The following ITGB5 variants were observed in gnomAD, a reference collection of about 807,000 sequenced individuals.
ITGB5 encodes the protein integrin subunit beta 5.
In ITGB5, 38 loss-of-function variants were observed where a neutral mutation model predicts 84.8. The observed-to-expected ratio is 0.45, with a 90% confidence interval of 0.35 to 0.59. The LOEUF (loss-of-function observed/expected upper bound fraction) is 0.59. Among genes scored for constraint, ITGB5 ranks in the 20% least tolerant of loss-of-function variants. ITGB5 has a pLI of 0.01. For missense variants in ITGB5, 905 were observed against 1,034.5 expected (o/e 0.87, Z 1.72); for synonymous variants, 393 against 414.4 (o/e 0.95, Z 0.63).
At chr3:124,890,917 T>C (rs184720993), upstream of ITGB5, among the ~76,000 whole-genome samples, 21 of 152,308 alleles carry the variant, frequency 1.4e-4, no homozygotes, top group East Asian at 4.0e-3. Context: ...GCCCTTCAAA[T>C]GCTTTGACTT....
At chr3:124,878,080 C>T (rs72974561) in intron 1 of ITGB5, among the ~76,000 whole-genome samples, 3,551 of 152,254 alleles carry the variant, frequency 0.023, 129 homozygotes, top group African/African-American at 0.081. Context: ...CGACTCCTGA[C>T]TTCAAGTGAT....
intron 2 of ITGB5, among the ~76,000 whole-genome samples, chr3:124,860,711 G>A (rs2065285298): frequency 6.6e-6 from 1 of 152,198 alleles, no homozygotes; most frequent in Non-Finnish European, 1.5e-5. Flanking sequence ...CTTTCTGGAG[G>A]AGTTAGGACA....
At chr3:124,816,009 A>G (rs540273661) in intron 8 of ITGB5, among the ~76,000 whole-genome samples, 2 of 152,348 alleles carry the variant, frequency 1.3e-5, no homozygotes, top group African/African-American at 4.8e-5. Flanking sequence ...GCAATGGGGT[A>G]GGAGAGAAGG....
chr3:124,895,088 G>A (rs549278033), intron 1 of ITGB5, among the ~76,000 whole-genome samples: 2 of 152,256 alleles, frequency 1.3e-5, no homozygotes, highest in South Asian at 2.1e-4. Flanking sequence ...CTATAGGAGT[G>A]GAGTGATAAG....
Position 124,892,930 on chromosome 3 carries a change from G to A in ITGB5, c.-255+8336C>T, listed in dbSNP as rs534458974. On this transcript the variant is annotated intron_variant, in intron 1 of 4. Transcript: ENST00000608657. ...TAACATGCAGGGAGAAAAAGAGTTCGGGGCAGAAAAACAACTATCCTACAG... is the reference window on the plus strand; with the variant it reads ...TAACATGCAGGGAGAAAAAGAGTTCAGGGCAGAAAAACAACTATCCTACAG... 5.3e-5 allele frequency among the ~76,000 whole-genome samples: 8 copies of A among 152,114 alleles called. No homozygotes were observed. The South Asian group carries it at 6.2e-4, about 12-fold the overall frequency.
chr3:124,832,280 C>T (rs2064870757), intron 5 of ITGB5, among the ~76,000 whole-genome samples: 1 of 152,212 alleles, frequency 6.6e-6, no homozygotes, highest in South Asian at 2.1e-4. Flanking sequence ...CAAAAGATGG[C>T]AGATACTCTA....
intron 10 of ITGB5, among the ~76,000 whole-genome samples, chr3:124,779,425 C>T (rs2063970743): frequency 6.6e-6 from 1 of 152,114 alleles, no homozygotes; most frequent in Non-Finnish European, 1.5e-5. Flanking sequence ...GCCTCCCCAA[C>T]CTCCCCCTAC....
chr3:124,766,449 G>A, intron 12 of ITGB5, 104 bp from the exon 13 acceptor site: 2 of 1,383,066 alleles, frequency 1.4e-6, no homozygotes, highest in Non-Finnish European at 2.0e-6. Context: ...AAAGGGCATG[G>A]GGGGTGTGGG....
intron 6 of ITGB5, among the ~76,000 whole-genome samples, chr3:124,820,987 C>G (rs6769379): frequency 0.26 from 39,173 of 151,954 alleles, 5,603 homozygotes; most frequent in African/African-American, 0.35. Flanking sequence ...AGCACCCACC[C>G]TCCTTTAAGA....
intron 7 of ITGB5, among the ~76,000 whole-genome samples, chr3:124,818,806 A>G (rs538705967): frequency 1.5e-4 from 23 of 152,224 alleles, no homozygotes; most frequent in Non-Finnish European, 5.9e-5. Flanking sequence ...GTGGCATTTT[A>G]TCAGTGATAA....
intron 8 of ITGB5, among the ~76,000 whole-genome samples, chr3:124,817,273 C>T (rs993816237): frequency 2.0e-5 from 3 of 152,248 alleles, no homozygotes; most frequent in African/African-American, 4.8e-5. Context: ...GCAGCGTTAG[C>T]CTGGGCACTG....
At chr3:124,897,668 AT>A (rs891075009) in intron 1 of ITGB5, among the ~76,000 whole-genome samples, 8 of 152,238 alleles carry the variant, frequency 5.3e-5, no homozygotes, top group African/African-American at 1.2e-4. Context: ...ATAAAGAAAA[AT>A]TTTTTTTTAA....
At chr3:124,863,495 T>C (rs2065335685) in intron 2 of ITGB5, among the ~76,000 whole-genome samples, 1 of 152,206 alleles carries the variant, frequency 6.6e-6, no homozygotes, top group East Asian at 1.9e-4. Flanking sequence ...GCTTCGCCTC[T>C]ATTCCATGTG....
rs1182535421 is a variant in ITGB5 at position 124,841,508 on chromosome 3, G to C, written c.655C>G (p.His219Asp). 6 of 1,614,142 alleles carry C rather than the reference G, an allele frequency of 3.7e-6. No homozygotes were observed. The South Asian group carries it at 6.6e-5, about 18-fold the overall frequency. ...PNCVPSFGFR[H>D]LLPLTDRVDS... ...ACTCTGTCTGTGAGAGGCAGCAGAT[G>C]GCGGAACCCAAAGGAGGGGACGCAA... Residue 219 changes from histidine (H) to aspartate (D), a missense_variant, in exon 5 of 15, where the codon CAT (histidine) becomes GAT (aspartate). Transcript: ENST00000296181.
At position 124,766,252 on chromosome 3, in the gene ITGB5, G is replaced by C. The variant is rs776200830; in HGVS notation, c.2111C>G (p.Ser704Cys). 2 of 1,614,114 alleles carry C rather than the reference G, an allele frequency of 1.2e-6. No homozygotes were observed. Among genetic ancestry groups the C allele is most frequent in the Non-Finnish European group, 1.7e-6 (2 of 1,180,002 alleles). The change falls in exon 13 of 15, where the codon TCC becomes TGC. Residue 704 changes from serine to cysteine, a missense_variant. By Grantham distance (112) the Ser-to-Cys change is moderately radical. Transcript: ENST00000296181. ...FTYVELPSGKSNLTVLREPEC... is the reference protein window; with the variant it reads ...FTYVELPSGKCNLTVLREPEC... ...TGGCTCCCTGAGGACGGTCAGGTTGGACTTCCCACTGGGGAGCTCCACATA... is the reference window on the plus strand; with the variant it reads ...TGGCTCCCTGAGGACGGTCAGGTTGCACTTCCCACTGGGGAGCTCCACATA...
At chr3:124,894,901 G>A (rs541419050) in intron 1 of ITGB5, among the ~76,000 whole-genome samples, 2 of 151,982 alleles carry the variant, frequency 1.3e-5, no homozygotes, top group Admixed American at 1.3e-4. Context: ...ACACTAATAC[G>A]AACGATAGCT....
intron 9 of ITGB5, among the ~76,000 whole-genome samples, chr3:124,799,368 G>T (rs1222798602): frequency 1.3e-5 from 2 of 152,120 alleles, no homozygotes; most frequent in East Asian, 3.9e-4. Flanking sequence ...AGACCAACCT[G>T]GACAACATGG....
At chr3:124,776,580 C>T (rs2063929700) in intron 10 of ITGB5, among the ~76,000 whole-genome samples, 1 of 152,178 alleles carries the variant, frequency 6.6e-6, no homozygotes. Context: ...TTCCATCAAC[C>T]CGTATTTTTA....
chr3:124,821,626 G>C (rs778050299), intron 5 of ITGB5, 152 bp from the exon 6 acceptor site: 75 of 820,720 alleles, frequency 9.1e-5, no homozygotes, highest in Non-Finnish European at 1.3e-4. Flanking sequence ...AAACCACTGG[G>C]GAGGGATTCC....
Sources: gnomAD v4.1 joint callset for allele counts (sites outside exome capture counted in the v4.1 genomes callset) on GRCh38, gnomAD v4.1.1 for gene constraint, MANE v1.5 for transcripts, NCBI Gene and HGNC (gene_info 2026-07-23, HGNC 2026-07-21) for gene names.